VWA8: variants seen among roughly 807,000 people sequenced by gnomAD.
VWA8 encodes von Willebrand factor A domain-containing protein 8.
Under a neutral mutation model 241.5 loss-of-function variants are expected in VWA8, and 221 were observed. That is an observed-to-expected ratio of 0.91 (90% CI 0.82 to 1.02). The LOEUF is 1.02. Among genes scored for constraint, VWA8 ranks in the 50% least tolerant of loss-of-function variants. The pLI is 0.00. For synonymous variants in VWA8, 852 were observed against 827.1 expected, an observed-to-expected ratio of 1.03 and a Z score of -0.52; for missense variants, 2,322 against 2,328.7, an observed-to-expected ratio of 1.00 and a Z score of 0.06.
chr13:41,882,586 G>A (rs1229645758), intron 9 of VWA8, among the ~76,000 whole-genome samples: 3 of 152,242 alleles, frequency 2.0e-5, no homozygotes, highest in South Asian at 4.1e-4. Context: ...CGGATCACTC[G>A]CGGTTAGGAG....
chr13:41,721,035 T>C (rs2045385869), intron 25 of VWA8, among the ~76,000 whole-genome samples: 1 of 152,174 alleles, frequency 6.6e-6, no homozygotes. Context: ...TTTACCTGCA[T>C]ACCACATGCT....
chr13:41,692,974 T>C lies in VWA8; in HGVS notation c.3565-2A>G, dbSNP rs1210960784. 6.3e-7 allele frequency: 1 copy of C among 1,584,334 alleles called. No individual in the cohort carries two copies. The highest frequency in any genetic ancestry group is 1.7e-5 in the Admixed American group (1 of 57,674). On this transcript the variant is annotated splice_acceptor_variant, in intron 29 of 44. Transcript: ENST00000379310. LOFTEE classifies it high-confidence loss of function. ...ATCTAACAACAGGATAACATTACTC[T>C]GCAAATGATAAAAACAGTGAAAAGC...
intron 23 of VWA8, 63 bp from the exon 24 acceptor site, chr13:41,727,376 C>T: frequency 8.8e-7 from 1 of 1,135,484 alleles, no homozygotes. Flanking sequence ...TATCAAGCAA[C>T]AATCTTTTAG....
intron 37 of VWA8, among the ~76,000 whole-genome samples, chr13:41,667,420 T>C (rs572495524): frequency 6.6e-6 from 1 of 152,356 alleles, no homozygotes; most frequent in Non-Finnish European, 1.5e-5. Context: ...TACCAGACAC[T>C]GTCTTCACTA....
At chr13:41,865,632 A>G (rs1873253250) in intron 12 of VWA8, 104 bp downstream of exon 12, 1 of 1,261,650 alleles carries the variant, frequency 7.9e-7, no homozygotes, top group Non-Finnish European at 1.1e-6. Flanking sequence ...TTCTTTACCT[A>G]TATAAAAAAA....
At chr13:41,636,891 C>A (rs1165954344) in intron 37 of VWA8, among the ~76,000 whole-genome samples, 1 of 151,812 alleles carries the variant, frequency 6.6e-6, no homozygotes, top group Non-Finnish European at 1.5e-5. Context: ...GTTAGAATGG[C>A]AATCATTAAA....
At chr13:41,634,214 G>C (rs957222865) in intron 37 of VWA8, among the ~76,000 whole-genome samples, 1 of 152,164 alleles carries the variant, frequency 6.6e-6, no homozygotes, top group African/African-American at 2.4e-5. Flanking sequence ...GGTGAGTAGG[G>C]TGGCACCAGA....
intron 2 of VWA8, among the ~76,000 whole-genome samples, chr13:41,945,403 C>T (rs750471512): frequency 3.3e-5 from 5 of 151,824 alleles, no homozygotes; most frequent in Non-Finnish European, 7.4e-5. Flanking sequence ...GAGAGTATGG[C>T]TCATACATAC....
At chr13:41,787,979 G>A (rs7339425) in intron 17 of VWA8, among the ~76,000 whole-genome samples, 122,474 of 152,130 alleles carry the variant, frequency 0.81, 50,338 homozygotes, top group East Asian at 1. Flanking sequence ...TCTAACATAA[G>A]CTTCTGAATG....
intron 26 of VWA8, among the ~76,000 whole-genome samples, chr13:41,711,730 G>C (rs149892239): frequency 0.036 from 5,444 of 151,964 alleles, 120 homozygotes; most frequent in Middle Eastern, 0.092. Context: ...AAAAATTAGC[G>C]GGGCGTGGTG....
chr13:41,798,980 T>C (rs1401479561), intron 17 of VWA8, among the ~76,000 whole-genome samples: 4 of 152,210 alleles, frequency 2.6e-5, no homozygotes, highest in Non-Finnish European at 5.9e-5. Flanking sequence ...TATTCTTCAA[T>C]TGAAAAAGTT....
At chr13:41,894,638 G>A (rs890299746) in intron 4 of VWA8, among the ~76,000 whole-genome samples, 5 of 152,200 alleles carry the variant, frequency 3.3e-5, no homozygotes, top group Admixed American at 6.5e-5. Context: ...TGAGAAACAG[G>A]TATTTGTATA....
At chr13:41,742,108 G>T (rs2045573594) in intron 21 of VWA8, among the ~76,000 whole-genome samples, 1 of 152,194 alleles carries the variant, frequency 6.6e-6, no homozygotes, top group South Asian at 2.1e-4. Flanking sequence ...AGCTAGATAG[G>T]CAGGCTAAGT....
chr13:41,901,889 A>AAAAAT (rs1566500253), intron 4 of VWA8, among the ~76,000 whole-genome samples: 7 of 83,338 alleles, frequency 8.4e-5, no homozygotes, highest in African/African-American at 2.5e-4. Context: ...AAAAAAAAAA[A>AAAAAT]ATATATATAT....
At chr13:41,887,728 G>C (rs1874617351) in intron 5 of VWA8, among the ~76,000 whole-genome samples, 1 of 152,252 alleles carries the variant, frequency 6.6e-6, no homozygotes, top group South Asian at 2.1e-4. Flanking sequence ...CAGCAAAGCT[G>C]TGATTGATTA....
Position 41,691,245 on chromosome 13 carries a change from G to C in VWA8, c.3866+75C>G, listed in dbSNP as rs549408478. The C allele has an allele frequency of 5.8e-5, 87 of 1,512,048 alleles. No individual in the cohort carries two copies. In the African/African-American group the frequency reaches 1.1e-3, roughly 20 times the overall value. 93.7% of individuals were successfully genotyped at this position (1,512,048 alleles called of 1,614,324 possible). A position where few individuals can be genotyped will look rare whatever the true frequency, so the allele number is the denominator to read the frequency against. ...GGACAGACACAGGAAAGACAGAACAGTAAAGATGTTGGATAATTCATAAAT... is the reference window on the plus strand; with the variant it reads ...GGACAGACACAGGAAAGACAGAACACTAAAGATGTTGGATAATTCATAAAT... On this transcript the variant is annotated intron_variant, in intron 32 of 44. Transcript: ENST00000379310.
intron 12 of VWA8, among the ~76,000 whole-genome samples, chr13:41,863,421 GTGTGTGTGTGTGTATATA>G (rs1566485374): frequency 1.5e-5 from 1 of 66,668 alleles, no homozygotes; most frequent in Non-Finnish European, 3.1e-5. Context: ...GTGTGTGTGT[GTGTGTGTGTGTGTATATA>G]TATATATATA....
intron 12 of VWA8, among the ~76,000 whole-genome samples, chr13:41,841,611 C>T: frequency 6.7e-6 from 1 of 149,164 alleles, no homozygotes; most frequent in East Asian, 2.0e-4. Context: ...ACGGTGAAAC[C>T]CCGTCTCTAC....
intron 35 of VWA8, 60 bp from the exon 36 acceptor site, chr13:41,675,356 C>T (rs2045053598): frequency 7.7e-7 from 1 of 1,302,630 alleles, no homozygotes; most frequent in African/African-American, 1.5e-5. Flanking sequence ...CAAAATGGTG[C>T]TAAAAGTGGA....
Sources: gnomAD v4.1 joint callset for allele counts (sites outside exome capture counted in the v4.1 genomes callset) on GRCh38, gnomAD v4.1.1 for gene constraint, MANE v1.5 for transcripts, NCBI Gene and HGNC (gene_info 2026-07-23, HGNC 2026-07-21) for gene names.